Variants in PTPRD observed in about 807,000 individuals in gnomAD.
PTPRD encodes receptor-type tyrosine-protein phosphatase delta.
PTPRD carries 34 observed loss-of-function variants against 214.5 expected under a neutral mutation model. The ratio of observed to expected loss-of-function variants is 0.16; its 90% CI spans 0.12 to 0.21. The LOEUF (loss-of-function observed/expected upper bound fraction) is 0.21, where lower values mean the gene tolerates loss of function less well. Among genes scored for constraint, PTPRD ranks in the 10% least tolerant of loss-of-function variants. PTPRD has a pLI of 1.00. For synonymous variants in PTPRD, 1,128 were observed against 845.7 expected, an observed-to-expected ratio of 1.33 and a Z score of -5.79; for missense variants, 2,545 against 2,398.7, an observed-to-expected ratio of 1.06 and a Z score of -1.27.
Position 8,384,764 on chromosome 9 carries a change from G to A in PTPRD, c.4386+4468C>T, listed in dbSNP as rs1035919476. ...TGGTCTCGAACTCCTGACCTCAGGTGATCTGCCCGCCTTGGCCTCTCAAAA... is the reference window on the plus strand; with the variant it reads ...TGGTCTCGAACTCCTGACCTCAGGTAATCTGCCCGCCTTGGCCTCTCAAAA... On this transcript the variant is annotated intron_variant, in intron 37 of 45. Coordinates refer to ENST00000381196, the MANE Select transcript of PTPRD (RefSeq NM_002839.4). 3.3e-5 allele frequency among the ~76,000 whole-genome samples: 5 copies of A among 152,304 alleles called. No individual in the cohort carries two copies. In the South Asian group the frequency reaches 6.2e-4, roughly 19 times the overall value.
intron 3 of PTPRD, among the ~76,000 whole-genome samples, chr9:10,148,344 A>T (rs572881168): frequency 1.3e-5 from 2 of 152,320 alleles, no homozygotes; most frequent in African/African-American, 4.8e-5. Context: ...TTTAAAGTAC[A>T]TAAGTGTATC....
intron 11 of PTPRD, among the ~76,000 whole-genome samples, chr9:8,940,786 A>G (rs2099028805): frequency 6.6e-6 from 1 of 151,402 alleles, no homozygotes; most frequent in South Asian, 2.1e-4. Context: ...TTCCTTGGGT[A>G]GATCCTATTC....
At chr9:10,394,636 A>G (rs1404222195) in intron 2 of PTPRD, among the ~76,000 whole-genome samples, 1 of 151,964 alleles carries the variant, frequency 6.6e-6, no homozygotes, top group African/African-American at 2.4e-5. Context: ...GCACATCCTA[A>G]TAGTCACTGA....
chr9:10,414,337 A>C (rs549564982), intron 2 of PTPRD, among the ~76,000 whole-genome samples: 15 of 152,160 alleles, frequency 9.9e-5, no homozygotes, highest in African/African-American at 3.6e-4. Flanking sequence ...CACATGAAAA[A>C]AGCTCAATAT....
chr9:8,787,807 C>T (rs917902974), intron 11 of PTPRD, among the ~76,000 whole-genome samples: 1 of 152,116 alleles, frequency 6.6e-6, no homozygotes, highest in African/African-American at 2.4e-5. Context: ...GCCCCAGCAA[C>T]ACAACTCATG....
At chr9:8,551,376 T>G (rs2082061995) in intron 14 of PTPRD, among the ~76,000 whole-genome samples, 1 of 152,240 alleles carries the variant, frequency 6.6e-6, no homozygotes. Flanking sequence ...CTTATATGCT[T>G]CATATCTCAT....
intron 35 of PTPRD, among the ~76,000 whole-genome samples, chr9:8,416,992 A>T (rs2093983850): frequency 6.6e-6 from 1 of 152,096 alleles, no homozygotes; most frequent in African/African-American, 2.4e-5. Context: ...CTACACTCTA[A>T]TAGATACGTA....
At chr9:10,234,504 T>C (rs1049532332) in intron 3 of PTPRD, among the ~76,000 whole-genome samples, 6 of 151,916 alleles carry the variant, frequency 3.9e-5, no homozygotes, top group Non-Finnish European at 5.9e-5. Flanking sequence ...TTTACCTGTA[T>C]ACCTAAAATT....
intron 14 of PTPRD, among the ~76,000 whole-genome samples, chr9:8,575,609 G>C (rs137917106): frequency 6.6e-6 from 1 of 151,994 alleles, no homozygotes; most frequent in Non-Finnish European, 1.5e-5. Flanking sequence ...AGATATATTC[G>C]TTTATTTGGT....
chr9:9,213,414 G>T (rs2099950095), intron 9 of PTPRD, among the ~76,000 whole-genome samples: 1 of 152,110 alleles, frequency 6.6e-6, no homozygotes, highest in Admixed American at 6.5e-5. Context: ...ACAGTTATTG[G>T]TATGTGAAAG....
intron 2 of PTPRD, among the ~76,000 whole-genome samples, chr9:10,424,313 TTCTC>T (rs35994999): frequency 1.3e-3 from 189 of 145,550 alleles, no homozygotes; most frequent in South Asian, 4.2e-3. Flanking sequence ...TGGTTTCCTT[TTCTC>T]TCTCTCTCTC....
intron 14 of PTPRD, among the ~76,000 whole-genome samples, chr9:8,545,281 A>G (rs1034865177): frequency 6.6e-6 from 1 of 152,204 alleles, no homozygotes; most frequent in African/African-American, 2.4e-5. Context: ...GTTTGTTCAG[A>G]CATACAGGGA....
intron 12 of PTPRD, among the ~76,000 whole-genome samples, chr9:8,659,525 T>C (rs1290157265): frequency 6.6e-6 from 1 of 152,246 alleles, no homozygotes; most frequent in Non-Finnish European, 1.5e-5. Flanking sequence ...GGAATATATC[T>C]TTGAAGGTTT....
intron 9 of PTPRD, among the ~76,000 whole-genome samples, chr9:9,333,132 C>A (rs1012576176): frequency 6.6e-6 from 1 of 151,728 alleles, no homozygotes; most frequent in South Asian, 2.1e-4. Flanking sequence ...TTCAAATATA[C>A]CTGGGAAGGC....
intron 12 of PTPRD, chr9:8,713,185 T>A (rs1260841019): frequency 5.3e-6 from 3 of 564,370 alleles, no homozygotes; most frequent in African/African-American, 1.9e-5. Flanking sequence ...GTGCCAGAAT[T>A]TCAGGGTCAA....
intron 3 of PTPRD, among the ~76,000 whole-genome samples, chr9:10,264,806 G>A (rs551051427): frequency 1.3e-5 from 2 of 152,248 alleles, no homozygotes; most frequent in African/African-American, 4.8e-5. Context: ...TCCCACCCAA[G>A]TCTCATCTTG....
At chr9:9,629,708 G>A (rs567074857) in intron 7 of PTPRD, among the ~76,000 whole-genome samples, 1 of 152,220 alleles carries the variant, frequency 6.6e-6, no homozygotes, top group African/African-American at 2.4e-5. Flanking sequence ...ATGGAAGAGG[G>A]TAAGGAGAGA....
chr9:10,265,574 G>A (rs528110395), intron 3 of PTPRD, among the ~76,000 whole-genome samples: 42 of 152,298 alleles, frequency 2.8e-4, no homozygotes, highest in South Asian at 2.3e-3. Flanking sequence ...AGCTCTGTGG[G>A]CCATGTGGTC....
At chr9:8,854,073 C>T (rs1224918615) in intron 11 of PTPRD, among the ~76,000 whole-genome samples, 1 of 152,084 alleles carries the variant, frequency 6.6e-6, no homozygotes, top group Non-Finnish European at 1.5e-5. Context: ...GCATGTAATA[C>T]AAATCCTGTA....
Sources: allele counts gnomAD v4.1 joint callset (sites outside exome capture counted in the v4.1 genomes callset), GRCh38; gene constraint gnomAD v4.1.1; transcripts MANE v1.5; gene names NCBI Gene and HGNC (gene_info 2026-07-23, HGNC 2026-07-21).